The following CNTN6 variants were observed in gnomAD, a reference collection of about 807,000 sequenced individuals.
The protein encoded by CNTN6 is contactin-6.
CNTN6 carries 137 observed loss-of-function variants against 122.8 expected under a neutral mutation model. The ratio of observed to expected loss-of-function variants is 1.12; its 90% CI spans 0.97 to 1.29. The LOEUF (loss-of-function observed/expected upper bound fraction) is 1.29. Ranked by LOEUF, CNTN6 falls within the 50% of genes most tolerant of loss-of-function variation. The pLI is 0.00. For synonymous variants in CNTN6, 570 were observed against 426.0 expected (o/e 1.34, Z -4.16); for missense variants, 1,634 against 1,223.4 (o/e 1.34, Z -5.01).
At chr3:1,207,673 A>G (rs1034870077) in intron 2 of CNTN6, among the ~76,000 whole-genome samples, 1 of 152,006 alleles carries the variant, frequency 6.6e-6, no homozygotes, top group Non-Finnish European at 1.5e-5. Context: ...TGCCTCCCTC[A>G]ATTAGAATAC....
chr3:1,325,700 A>G (rs1225729804), intron 8 of CNTN6, 115 bp from the exon 9 acceptor site: 1 of 1,047,730 alleles, frequency 9.5e-7, no homozygotes, highest in East Asian at 2.6e-5. Flanking sequence ...TGTGTGTGCA[A>G]TCCAACTGGA....
At position 1,227,992 on chromosome 3, in the gene CNTN6, A is replaced by C. The variant is rs1360315922; in HGVS notation, c.357A>C (p.Ala119=). 1.9e-6 allele frequency: 3 copies of C among 1,612,336 alleles called. No homozygotes were observed. In the Admixed American group the frequency reaches 5.0e-5, roughly 27 times the overall value. The change falls in exon 4 of 23, where the codon GCA becomes GCC. Residue 119 remains alanine, a splice_region_variant and synonymous_variant. Transcript: ENST00000446702. Reference sequence around the variant, plus strand: ...GTCGGAAGGCAAAGCTCCAATTTGCATGTGAGTTTGGGGTAAATTTTGTAA... The same window carrying C: ...GTCGGAAGGCAAAGCTCCAATTTGCCTGTGAGTTTGGGGTAAATTTTGTAA... ...ILSRKAKLQF[A]YIEDFETKTR...
At chr3:1,389,632 C>G (rs968860032) in intron 20 of CNTN6, among the ~76,000 whole-genome samples, 30 of 143,130 alleles carry the variant, frequency 2.1e-4, no homozygotes, top group Admixed American at 3.5e-4. Context: ...ATTGGATAAA[C>G]AGTCAAGACC....
chr3:1,255,785 G>T (rs1385584500), intron 4 of CNTN6, among the ~76,000 whole-genome samples: 1 of 152,050 alleles, frequency 6.6e-6, no homozygotes, highest in Non-Finnish European at 1.5e-5. Flanking sequence ...CAATCGTTTT[G>T]CTTCAGCCTC....
At chr3:1,269,874 A>G (rs1210266504) in intron 4 of CNTN6, among the ~76,000 whole-genome samples, 1 of 152,162 alleles carries the variant, frequency 6.6e-6, no homozygotes, top group African/African-American at 2.4e-5. Context: ...CTCTACTTAT[A>G]TATAAATTTT....
rs202137418 is a variant in CNTN6, at chr3:1,372,482, A to T, written c.1668+8A>T. On this transcript the variant is annotated splice_region_variant and intron_variant, in intron 13 of 22. Coordinates refer to ENST00000446702, the MANE Select transcript of CNTN6 (RefSeq NM_001289080.2). ...TTTGAAAGGATTGGAGGAGTAAGTT[A>T]CTGAAATTGTTAAGTGCTTAATAAA... 6,585 of 1,595,168 alleles carry T rather than the reference A, an allele frequency of 4.1e-3. 24 individuals are homozygous for T. The highest frequency in any genetic ancestry group is 4.6e-3 in the Non-Finnish European group (5,415 of 1,172,334).
chr3:1,123,730 C>T (rs1038459104), intron 1 of CNTN6, among the ~76,000 whole-genome samples: 2 of 151,896 alleles, frequency 1.3e-5, no homozygotes, highest in Non-Finnish European at 2.9e-5. Context: ...TGTTGAACAG[C>T]AATGGTGAAG....
chr3:1,370,909 T>C (rs1708922370), intron 12 of CNTN6, among the ~76,000 whole-genome samples: 1 of 152,018 alleles, frequency 6.6e-6, no homozygotes, highest in South Asian at 2.1e-4. Flanking sequence ...TGGAAAGTAT[T>C]TTAAATAATA....
At chr3:1,214,948 G>C (rs974832315) in intron 2 of CNTN6, among the ~76,000 whole-genome samples, 2 of 152,108 alleles carry the variant, frequency 1.3e-5, no homozygotes, top group Non-Finnish European at 2.9e-5. Flanking sequence ...GGTAGAGACA[G>C]GGTCTCCCTA....
intron 2 of CNTN6, among the ~76,000 whole-genome samples, chr3:1,216,529 G>A (rs1020465570): frequency 6.6e-6 from 1 of 152,130 alleles, no homozygotes; most frequent in Non-Finnish European, 1.5e-5. Flanking sequence ...ACTGATATAA[G>A]AAAACTCACT....
chr3:1,281,159 GA>G (rs1431089648), intron 5 of CNTN6, among the ~76,000 whole-genome samples: 3 of 152,174 alleles, frequency 2.0e-5, no homozygotes, highest in Non-Finnish European at 2.9e-5. Flanking sequence ...CAGATGAAGA[GA>G]ATTATACAAG....
chr3:1,233,984 A>G (rs940995191), intron 4 of CNTN6, among the ~76,000 whole-genome samples: 7 of 152,108 alleles, frequency 4.6e-5, no homozygotes, highest in South Asian at 2.1e-4. Flanking sequence ...GGCTATAAAC[A>G]TGTAGGCATT....
At chr3:1,314,584 T>C (rs372728609) in intron 7 of CNTN6, among the ~76,000 whole-genome samples, 1 of 152,052 alleles carries the variant, frequency 6.6e-6, no homozygotes, top group Non-Finnish European at 1.5e-5. Flanking sequence ...CTAGTGTATG[T>C]AGAGCTTTAA....
At chr3:1,101,692 T>C (rs550753406) in intron 1 of CNTN6, among the ~76,000 whole-genome samples, 1 of 152,348 alleles carries the variant, frequency 6.6e-6, no homozygotes, top group South Asian at 2.1e-4. Flanking sequence ...ATTGTATATG[T>C]CTTTCCATTG....
intron 1 of CNTN6, among the ~76,000 whole-genome samples, chr3:1,127,719 A>G (rs2092213221): frequency 2.0e-5 from 3 of 151,912 alleles, no homozygotes; most frequent in Admixed American, 1.3e-4. Context: ...TGTTGATTGA[A>G]TTTTTGCACA....
At chr3:1,188,266 C>G (rs1164745625) in intron 2 of CNTN6, among the ~76,000 whole-genome samples, 1 of 152,136 alleles carries the variant, frequency 6.6e-6, no homozygotes, top group Non-Finnish European at 1.5e-5. Context: ...TAAGACTTCT[C>G]CCCTCCTCCT....
chr3:1,302,989 C>G (rs888272245), intron 7 of CNTN6, among the ~76,000 whole-genome samples: 1 of 151,836 alleles, frequency 6.6e-6, no homozygotes, highest in Non-Finnish European at 1.5e-5. Context: ...TCTATTGATA[C>G]TGCTTGTCAT....
intron 4 of CNTN6, among the ~76,000 whole-genome samples, chr3:1,267,603 T>C (rs1346454648): frequency 6.6e-6 from 1 of 152,152 alleles, no homozygotes; most frequent in African/African-American, 2.4e-5. Flanking sequence ...GGAGAAAAAT[T>C]GGAATGCTGA....
chr3:1,388,487 A>G (rs1438590194), intron 20 of CNTN6, among the ~76,000 whole-genome samples: 1 of 151,686 alleles, frequency 6.6e-6, no homozygotes, highest in Non-Finnish European at 1.5e-5. Context: ...AAAACTGGAA[A>G]CTCTAAAACG....
Sources: allele counts gnomAD v4.1 joint callset (sites outside exome capture counted in the v4.1 genomes callset), GRCh38; gene constraint gnomAD v4.1.1; transcripts MANE v1.5; gene names NCBI Gene and HGNC (gene_info 2026-07-23, HGNC 2026-07-21).